The following WLS variants were observed in gnomAD, a reference collection of about 807,000 sequenced individuals.
WLS encodes the protein Wnt ligand secretion mediator, also known as protein wntless homolog.
In WLS, 23 loss-of-function variants were observed where a neutral mutation model predicts 62.8. That is an observed-to-expected ratio of 0.37 (90% CI 0.26 to 0.52). WLS has a LOEUF of 0.52. Ranked by LOEUF, WLS falls within the 20% of genes least tolerant of loss-of-function variation. WLS has a pLI of 0.92. For missense variants in WLS, 615 were observed against 697.3 expected (o/e 0.88, Z 1.33); for synonymous variants, 246 against 244.1 (o/e 1.01, Z -0.07).
At chr1:68,098,661 T>G in exon 12 of WLS, 1 of 1,614,032 alleles carries the variant, frequency 6.2e-7, no homozygotes, top group Non-Finnish European at 8.5e-7. Flanking sequence ...TTGTCATTGA[T>G]GAAGGAATAT....
At chr1:68,170,542 A>G (rs990627121) in intron 2 of WLS, among the ~76,000 whole-genome samples, 1 of 152,108 alleles carries the variant, frequency 6.6e-6, no homozygotes, top group Non-Finnish European at 1.5e-5. Flanking sequence ...AATCACACCA[A>G]ATTTTATGAA....
intron 1 of WLS, among the ~76,000 whole-genome samples, chr1:68,217,329 A>G (rs1216091795): frequency 1.3e-5 from 2 of 152,178 alleles, no homozygotes; most frequent in African/African-American, 4.8e-5. Context: ...TTTCTACTCA[A>G]TTACCCCCTT....
intron 2 of WLS, among the ~76,000 whole-genome samples, chr1:68,176,043 G>A (rs559980742): frequency 1.5e-3 from 228 of 152,210 alleles, no homozygotes; most frequent in African/African-American, 5.1e-3. Flanking sequence ...CCTTTTCTTC[G>A]TTCCCATGAA....
At chr1:68,159,051 A>C in intron 3 of WLS, 72 bp downstream of exon 3, 1 of 1,594,260 alleles carries the variant, frequency 6.3e-7, no homozygotes, top group Non-Finnish European at 8.6e-7. Flanking sequence ...ACACCTATGA[A>C]AAGTAAGCAA....
downstream of WLS, among the ~76,000 whole-genome samples, chr1:68,124,947 G>C (rs1032560706): frequency 6.6e-6 from 1 of 152,292 alleles, no homozygotes; most frequent in Admixed American, 6.5e-5. Flanking sequence ...TTTTCACTGT[G>C]ACCCCAGTAA....
chr1:68,162,257 T>C (rs1646988166), intron 2 of WLS: 2 of 1,571,590 alleles, frequency 1.3e-6, no homozygotes, highest in Non-Finnish European at 1.8e-6. Context: ...GCTAAGGCTT[T>C]CTCGTCCACC....
chr1:68,166,416 G>A (rs948209897), intron 2 of WLS, among the ~76,000 whole-genome samples: 2 of 152,140 alleles, frequency 1.3e-5, no homozygotes, highest in African/African-American at 4.8e-5. Flanking sequence ...CCTTCTTCAG[G>A]CCTCACATCC....
intron 11 of WLS, among the ~76,000 whole-genome samples, chr1:68,107,996 C>G (rs1020540367): frequency 1.3e-5 from 2 of 152,122 alleles, no homozygotes; most frequent in Non-Finnish European, 2.9e-5. Flanking sequence ...ATCCCGAGGC[C>G]AAAAAGCTCA....
intron 2 of WLS, among the ~76,000 whole-genome samples, chr1:68,163,476 T>G (rs1054156283): frequency 1.7e-4 from 25 of 149,028 alleles, no homozygotes; most frequent in African/African-American, 6.1e-4. Context: ...TTTCGGTCCC[T>G]CGCTCCTCCG....
intron 11 of WLS, among the ~76,000 whole-genome samples, chr1:68,133,238 T>G (rs1322960454): frequency 6.6e-6 from 1 of 152,162 alleles, no homozygotes; most frequent in Non-Finnish European, 1.5e-5. Flanking sequence ...ATAAAATGAT[T>G]AATGTGAATG....
intron 5 of WLS, among the ~76,000 whole-genome samples, chr1:68,151,085 T>A (rs1439410174): frequency 6.6e-6 from 1 of 152,126 alleles, no homozygotes; most frequent in Non-Finnish European, 1.5e-5. Flanking sequence ...CTGAATAGAT[T>A]AGGATCAGGA....
At chr1:68,131,532 CATTTAT>C (rs1226865707) in intron 11 of WLS, among the ~76,000 whole-genome samples, 1 of 152,010 alleles carries the variant, frequency 6.6e-6, no homozygotes, top group Non-Finnish European at 1.5e-5. Context: ...CCCCAGAGGT[CATTTAT>C]TCCAGGCTTG....
chr1:68,143,162 G>A (rs1464672751), intron 10 of WLS, among the ~76,000 whole-genome samples: 1 of 152,062 alleles, frequency 6.6e-6, no homozygotes, highest in African/African-American at 2.4e-5. Flanking sequence ...CCTTCTTCAG[G>A]TTGCTAAAGG....
intron 2 of WLS, among the ~76,000 whole-genome samples, chr1:68,178,049 A>C (rs2100558791): frequency 6.6e-6 from 1 of 152,314 alleles, no homozygotes; most frequent in South Asian, 2.1e-4. Context: ...AAAGTACTTA[A>C]CCCAGTGCTG....
At chr1:68,122,034 G>C (rs1646369580), downstream of WLS, among the ~76,000 whole-genome samples, 1 of 152,196 alleles carries the variant, frequency 6.6e-6, no homozygotes, top group South Asian at 2.1e-4. Context: ...CGATGATGGA[G>C]CCATAAGATA....
intron 1 of WLS, among the ~76,000 whole-genome samples, chr1:68,221,289 T>C (rs978079692): frequency 6.6e-6 from 1 of 152,162 alleles, no homozygotes; most frequent in South Asian, 2.1e-4. Context: ...CACAGTTGCC[T>C]GTCACAGCCA....
intron 1 of WLS, among the ~76,000 whole-genome samples, chr1:68,217,668 C>G (rs913337280): frequency 3.9e-5 from 6 of 152,178 alleles, no homozygotes; most frequent in African/African-American, 1.4e-4. Context: ...ATAAAACCTA[C>G]TCAGTAATTA....
At chr1:68,154,014 T>C (rs896037331) in intron 4 of WLS, among the ~76,000 whole-genome samples, 16 of 152,114 alleles carry the variant, frequency 1.1e-4, no homozygotes, top group African/African-American at 3.6e-4. Flanking sequence ...ATCCCACTGA[T>C]ATTAAAATGC....
intron 11 of WLS, among the ~76,000 whole-genome samples, chr1:68,110,356 G>T (rs1248047918): frequency 6.6e-6 from 1 of 151,936 alleles, no homozygotes; most frequent in East Asian, 1.9e-4. Flanking sequence ...GAAACCAATT[G>T]AAGAAATGGA....
Sources: gnomAD v4.1 joint callset for allele counts (sites outside exome capture counted in the v4.1 genomes callset) on GRCh38, gnomAD v4.1.1 for gene constraint, MANE v1.5 for transcripts, NCBI Gene and HGNC (gene_info 2026-07-23, HGNC 2026-07-21) for gene names.